The following CCSER1 variants were observed in gnomAD, a reference collection of about 807,000 sequenced individuals.
CCSER1 encodes the protein coiled-coil serine rich protein 1.
In CCSER1, 41 loss-of-function variants were observed where a neutral mutation model predicts 82.0. That is an observed-to-expected ratio of 0.50 (90% CI 0.39 to 0.65). CCSER1 has a LOEUF of 0.65. CCSER1 is among the 30% of genes least tolerant of loss of function. CCSER1 has a pLI of 0.00. For synonymous variants in CCSER1, 414 were observed against 383.9 expected, an observed-to-expected ratio of 1.08 and a Z score of -0.92; for missense variants, 1,119 against 1,064.2, an observed-to-expected ratio of 1.05 and a Z score of -0.72.
At chr4:90,354,661 AAAT>A (rs1744100762) in intron 3 of CCSER1, among the ~76,000 whole-genome samples, 1 of 152,164 alleles carries the variant, frequency 6.6e-6, no homozygotes, top group East Asian at 1.9e-4. Context: ...AAAAATAACT[AAAT>A]AAAGGTATTA....
At chr4:90,944,000 G>A (rs146961226) in intron 9 of CCSER1, among the ~76,000 whole-genome samples, 7,319 of 151,900 alleles carry the variant, frequency 0.048, 484 homozygotes, top group African/African-American at 0.15. Context: ...TTGGGAGGCC[G>A]AGGTGGGCGG....
chr4:90,427,249 T>G (rs1344683596), intron 4 of CCSER1, among the ~76,000 whole-genome samples: 1 of 151,856 alleles, frequency 6.6e-6, no homozygotes, highest in Non-Finnish European at 1.5e-5. Context: ...CGGACAAAAA[T>G]TATTAAATTA....
At chr4:91,175,989 T>C (rs1733297304) in intron 10 of CCSER1, among the ~76,000 whole-genome samples, 1 of 152,214 alleles carries the variant, frequency 6.6e-6, no homozygotes, top group Non-Finnish European at 1.5e-5. Flanking sequence ...CCATCTTGAA[T>C]TAATTTTTGT....
intron 3 of CCSER1, among the ~76,000 whole-genome samples, chr4:90,351,909 C>T (rs924825022): frequency 5.9e-5 from 9 of 152,062 alleles, no homozygotes; most frequent in African/African-American, 2.2e-4. Context: ...TCCATTTATA[C>T]TTTTTTTGTG....
At chr4:90,836,445 C>T (rs1476949567) in intron 8 of CCSER1, among the ~76,000 whole-genome samples, 1 of 152,162 alleles carries the variant, frequency 6.6e-6, no homozygotes, top group African/African-American at 2.4e-5. Flanking sequence ...CCCCCCACTG[C>T]CCTCTCTGAC....
chr4:91,378,591 C>G (rs955919085), intron 10 of CCSER1, among the ~76,000 whole-genome samples: 1 of 152,176 alleles, frequency 6.6e-6, no homozygotes, highest in African/African-American at 2.4e-5. Flanking sequence ...GACTTTTGCA[C>G]ATTGATTTTG....
chr4:91,067,607 A>T lies in CCSER1; in HGVS notation c.2173-18343A>T, dbSNP rs139890355. 3.9e-4 allele frequency among the ~76,000 whole-genome samples: 57 copies of T among 147,612 alleles called. 1 individual carries two copies. In the East Asian group the frequency reaches 0.011, roughly 28 times the overall value. On this transcript the variant is annotated intron_variant, in intron 9 of 10. Coordinates refer to ENST00000509176, the MANE Select transcript of CCSER1 (RefSeq NM_001145065.2). ...TGATGCTTCCACCTCAGTCTCCCAC[A>T]GTGCTGGGATTACAGGTATGAGCCA...
At chr4:91,496,400 T>A (rs1266461206) in intron 10 of CCSER1, among the ~76,000 whole-genome samples, 2 of 150,130 alleles carry the variant, frequency 1.3e-5, no homozygotes. Flanking sequence ...ACTAAACATA[T>A]GCTTCTTTTC....
At chr4:90,427,797 A>C (rs1284233065) in intron 4 of CCSER1, among the ~76,000 whole-genome samples, 1 of 151,770 alleles carries the variant, frequency 6.6e-6, no homozygotes, top group Non-Finnish European at 1.5e-5. Flanking sequence ...TTTGAACTTA[A>C]AGGCATGATG....
intron 10 of CCSER1, among the ~76,000 whole-genome samples, chr4:91,253,827 C>T (rs112800617): frequency 3.3e-4 from 50 of 152,180 alleles, no homozygotes; most frequent in African/African-American, 1.1e-3. Flanking sequence ...AGTGAGACGT[C>T]ACACATGGTG....
chr4:91,583,638 G>C (rs1207714205), intron 10 of CCSER1, among the ~76,000 whole-genome samples: 1 of 151,520 alleles, frequency 6.6e-6, no homozygotes, highest in Non-Finnish European at 1.5e-5. Context: ...TGCTTGAATA[G>C]ACTAGTGGAG....
chr4:91,225,354 A>G (rs372648980), intron 10 of CCSER1, among the ~76,000 whole-genome samples: 1 of 42,266 alleles, frequency 2.4e-5, no homozygotes, highest in Non-Finnish European at 4.1e-5. Flanking sequence ...ATATATATGT[A>G]TATATATTAT....
intron 5 of CCSER1, among the ~76,000 whole-genome samples, chr4:90,477,629 A>T (rs1018101071): frequency 2.0e-5 from 3 of 149,216 alleles, no homozygotes; most frequent in Non-Finnish European, 4.4e-5. Context: ...TTTAAAAGAA[A>T]GTATTATCTT....
chr4:91,340,900 A>C (rs1171249066), intron 10 of CCSER1, among the ~76,000 whole-genome samples: 1 of 152,212 alleles, frequency 6.6e-6, no homozygotes, highest in African/African-American at 2.4e-5. Context: ...TTAATATTGC[A>C]TGATTAATAT....
chr4:91,486,880 A>AT (rs1014447889), intron 10 of CCSER1, among the ~76,000 whole-genome samples: 2 of 151,904 alleles, frequency 1.3e-5, no homozygotes, highest in African/African-American at 2.4e-5. Context: ...CTGCTCTTAG[A>AT]TTTTTTCCTA....
At chr4:90,376,638 A>G (rs947966641) in intron 3 of CCSER1, among the ~76,000 whole-genome samples, 1 of 152,158 alleles carries the variant, frequency 6.6e-6, no homozygotes, top group Non-Finnish European at 1.5e-5. Context: ...ATTGCTGCTC[A>G]CAGTCCTGTG....
chr4:90,378,898 T>C (rs535159203), intron 3 of CCSER1, among the ~76,000 whole-genome samples: 223 of 152,256 alleles, frequency 1.5e-3, no homozygotes, highest in African/African-American at 5.2e-3. Flanking sequence ...AATTTAAATA[T>C]ATAGTAACTC....
At chr4:90,413,943 C>T (rs1468524264) in intron 4 of CCSER1, among the ~76,000 whole-genome samples, 1 of 67,004 alleles carries the variant, frequency 1.5e-5, no homozygotes, top group Admixed American at 2.6e-4. Flanking sequence ...AGCGAGACAC[C>T]GTCTCAAAAA....
At chr4:90,342,987 T>C (rs564879853) in intron 3 of CCSER1, among the ~76,000 whole-genome samples, 7 of 152,186 alleles carry the variant, frequency 4.6e-5, no homozygotes, top group Non-Finnish European at 7.4e-5. Flanking sequence ...ATATTGATTC[T>C]GGGTGCCTCT....
Sources: gnomAD v4.1 joint callset for allele counts (sites outside exome capture counted in the v4.1 genomes callset) on GRCh38, gnomAD v4.1.1 for gene constraint, MANE v1.5 for transcripts, NCBI Gene and HGNC (gene_info 2026-07-23, HGNC 2026-07-21) for gene names.